FBXO11: variants seen among roughly 807,000 people sequenced by gnomAD.
FBXO11 encodes the protein F-box protein 11, also known as F-box only protein 11.
In FBXO11, 13 loss-of-function variants were observed where a neutral mutation model predicts 117.0. That is an observed-to-expected ratio of 0.11 (90% confidence interval 0.07 to 0.18). FBXO11 has a LOEUF of 0.18. Among genes scored for constraint, FBXO11 ranks in the 10% least tolerant of loss-of-function variants. The probability of loss-of-function intolerance (pLI) is 1.00; values close to 1 mark genes in which losing one functional copy is unlikely to be tolerated. For missense variants in FBXO11, 767 were observed against 1,164.4 expected, an observed-to-expected ratio of 0.66 and a Z score of 4.97; for synonymous variants, 490 against 380.5, an observed-to-expected ratio of 1.29 and a Z score of -3.35.
At chr2:47,905,284 C>A in intron 1 of FBXO11, 1 of 347,432 alleles carries the variant, frequency 2.9e-6, no homozygotes, top group Non-Finnish European at 4.7e-6. Flanking sequence ...AGAGCCCAGG[C>A]GAGAAGGGAA....
At chr2:47,857,003 G>A (rs1226078024) in intron 1 of FBXO11, among the ~76,000 whole-genome samples, 1 of 152,188 alleles carries the variant, frequency 6.6e-6, no homozygotes, top group Non-Finnish European at 1.5e-5. Flanking sequence ...AATAGACAAT[G>A]TTTAAATGTG....
intron 7 of FBXO11, 93 bp from the exon 8 acceptor site, chr2:47,833,163 C>G (rs1672310439): frequency 1.3e-6 from 1 of 758,712 alleles, no homozygotes; most frequent in Non-Finnish European, 2.2e-6. Context: ...AACATTAGTA[C>G]TGAGTAGTGG....
At chr2:47,860,843 ATTTT>A (rs34675496) in intron 1 of FBXO11, among the ~76,000 whole-genome samples, 4 of 104,236 alleles carry the variant, frequency 3.8e-5, no homozygotes, top group Admixed American at 2.1e-4. Context: ...GTTTTCCCCT[ATTTT>A]TTTTTTTTTT....
chr2:47,894,490 A>C (rs1375908641), intron 1 of FBXO11, among the ~76,000 whole-genome samples: 1 of 152,214 alleles, frequency 6.6e-6, no homozygotes, highest in African/African-American at 2.4e-5. Flanking sequence ...CAGCAGCAAA[A>C]GGAAGCAAGT....
rs781277953 is a variant in FBXO11, at chr2:47,905,572, T to G, written c.149A>C (p.Gln50Pro). The change falls in exon 1 of 23, where the codon CAG (glutamine) becomes CCG (proline). Residue 50 changes from glutamine to proline, a missense_variant. This residue lies in a region of FBXO11 where 355 missense variants were observed against 299.8 expected (regional missense o/e 1.18). Transcript: ENST00000403359. ...CGGAGGCTGCTGCTGCTGCTGCTGC[T>G]GCGGCGGCGGCGGAGGCTGCTGCTG... The part of the protein sequence containing the change: ...PPQQQPPPPP[Q>P]QQQQQQPPPP... 3.9e-3 allele frequency: 4,684 copies of G among 1,192,448 alleles called. 9 individuals carry two copies. The highest frequency in any genetic ancestry group is 4.8e-3 in the Middle Eastern group (15 of 3,122). The allele number at this position is 1,192,448 out of a possible 1,614,324, so 73.9% of individuals were successfully genotyped here. A position where few individuals can be genotyped will look rare whatever the true frequency, so the allele number is the denominator to read the frequency against.
At chr2:47,893,360 A>G (rs950820360) in intron 1 of FBXO11, among the ~76,000 whole-genome samples, 8 of 152,084 alleles carry the variant, frequency 5.3e-5, no homozygotes, top group Non-Finnish European at 8.8e-5. Flanking sequence ...GTGCATATAT[A>G]TATATATACA....
At chr2:47,873,491 C>G (rs531122218) in intron 1 of FBXO11, among the ~76,000 whole-genome samples, 2 of 152,156 alleles carry the variant, frequency 1.3e-5, no homozygotes, top group Admixed American at 1.3e-4. Flanking sequence ...GGTTCTTTGG[C>G]ATGATTTGGA....
At chr2:47,817,556 T>C (rs902605283) in intron 16 of FBXO11, among the ~76,000 whole-genome samples, 8 of 152,244 alleles carry the variant, frequency 5.3e-5, no homozygotes, top group African/African-American at 1.9e-4. Flanking sequence ...TTTTGGGCTA[T>C]TCAGCCTTTA....
At chr2:47,813,520 C>T in intron 17 of FBXO11, 143 bp from the exon 18 acceptor site, 1 of 617,722 alleles carries the variant, frequency 1.6e-6, no homozygotes, top group Non-Finnish European at 2.6e-6. Flanking sequence ...CAACCTCCAC[C>T]TCCCGGGTTC....
chr2:47,815,797 GCCC>G (rs1670965952), intron 16 of FBXO11, among the ~76,000 whole-genome samples: 1 of 152,208 alleles, frequency 6.6e-6, no homozygotes, highest in Admixed American at 6.5e-5. Context: ...TTCCCCGCAT[GCCC>G]CAGCTCTTGA....
At chr2:47,900,050 T>A (rs772938448) in intron 1 of FBXO11, among the ~76,000 whole-genome samples, 5 of 152,140 alleles carry the variant, frequency 3.3e-5, no homozygotes, top group Admixed American at 6.5e-5. Context: ...TCCAAGCTGG[T>A]TGGCCTTCTC....
At chr2:47,903,762 G>C (rs1230414905) in intron 1 of FBXO11, among the ~76,000 whole-genome samples, 2 of 152,160 alleles carry the variant, frequency 1.3e-5, no homozygotes, top group Non-Finnish European at 1.5e-5. Context: ...TTTCAATCGA[G>C]TGTCATTGTT....
intron 16 of FBXO11, chr2:47,814,424 C>CTGGAGT (rs111617201): frequency 0.23 from 33,429 of 145,470 alleles, 3,829 homozygotes; most frequent in East Asian, 0.35. Context: ...GTCACCCAGG[C>CTGGAGT]TGGAGTTGCA....
intron 16 of FBXO11, chr2:47,814,112 A>G (rs1268172356): frequency 1.0e-5 from 4 of 387,308 alleles, no homozygotes; most frequent in Non-Finnish European, 1.9e-5. Context: ...ATGGGGTTAT[A>G]TTAAGTGACA....
At chr2:47,888,795 G>T (rs1677053129) in intron 1 of FBXO11, 1 of 256,890 alleles carries the variant, frequency 3.9e-6, no homozygotes, top group Non-Finnish European at 6.1e-6. Context: ...GCCCCTATCT[G>T]CTATATTTGG....
chr2:47,843,113 G>C (rs1344181039), intron 1 of FBXO11, among the ~76,000 whole-genome samples: 2 of 152,164 alleles, frequency 1.3e-5, no homozygotes, highest in East Asian at 3.8e-4. Flanking sequence ...TGTACTGCAG[G>C]AATCACAAAA....
chr2:47,840,428 A>AG (rs1465094473), intron 1 of FBXO11, among the ~76,000 whole-genome samples: 1 of 148,546 alleles, frequency 6.7e-6, no homozygotes, highest in Non-Finnish European at 1.5e-5. Context: ...AGGGTGTCAG[A>AG]GGGTAGTCTG....
chr2:47,896,697 A>T (rs1359900202), intron 1 of FBXO11, among the ~76,000 whole-genome samples: 1 of 152,196 alleles, frequency 6.6e-6, no homozygotes, highest in Non-Finnish European at 1.5e-5. Flanking sequence ...AAGTTATCAT[A>T]ATCAGTCTCT....
At chr2:47,843,453 A>G (rs1044011553) in intron 1 of FBXO11, among the ~76,000 whole-genome samples, 2 of 151,022 alleles carry the variant, frequency 1.3e-5, no homozygotes, top group African/African-American at 4.9e-5. Context: ...TTTGCCTGCA[A>G]ATTTTTGCTT....
Sources: allele counts gnomAD v4.1 joint callset (sites outside exome capture counted in the v4.1 genomes callset), GRCh38; gene constraint gnomAD v4.1.1; regional missense constraint gnomAD v4.1.1; transcripts MANE v1.5; gene names NCBI Gene and HGNC (gene_info 2026-07-23, HGNC 2026-07-21).